NCAPG2: variants seen among roughly 807,000 people sequenced by gnomAD.
NCAPG2 encodes the protein condensin-2 complex subunit G2.
A neutral mutation model predicts 141.1 loss-of-function variants in NCAPG2; 53 were observed. The ratio of observed to expected loss-of-function variants is 0.38; its 90% CI spans 0.30 to 0.47. The LOEUF (loss-of-function observed/expected upper bound fraction) is 0.47, where lower values mean the gene tolerates loss of function less well. Ranked by LOEUF, NCAPG2 falls within the 20% of genes least tolerant of loss-of-function variation. The pLI is 0.99. For missense variants in NCAPG2, 1,087 were observed against 1,389.0 expected, an observed-to-expected ratio of 0.78 and a Z score of 3.46; for synonymous variants, 499 against 490.7, an observed-to-expected ratio of 1.02 and a Z score of -0.22.
At chr7:158,671,926 G>T (rs1250963289) in intron 12 of NCAPG2, among the ~76,000 whole-genome samples, 1 of 152,110 alleles carries the variant, frequency 6.6e-6, no homozygotes, top group East Asian at 1.9e-4. Flanking sequence ...AATTATAAAA[G>T]AAATCTTTAA....
intron 2 of NCAPG2, among the ~76,000 whole-genome samples, chr7:158,695,608 G>A (rs1268680419): frequency 1.3e-5 from 2 of 152,360 alleles, no homozygotes; most frequent in South Asian, 4.1e-4. Flanking sequence ...GAGCTGGCTG[G>A]AAGGGCAAGG....
intron 6 of NCAPG2, among the ~76,000 whole-genome samples, chr7:158,688,171 G>T (rs140491340): frequency 1.7e-5 from 1 of 59,034 alleles, no homozygotes; most frequent in South Asian, 8.6e-4. Flanking sequence ...CTCACAACAG[G>T]CAAGTTAAAA....
chr7:158,704,304 C>A (rs1358672893), intron 1 of NCAPG2, among the ~76,000 whole-genome samples: 1 of 148,054 alleles, frequency 6.8e-6, no homozygotes, highest in Non-Finnish European at 1.5e-5. Context: ...GAGGGTAGTG[C>A]CCATGCCCAG....
intron 7 of NCAPG2, 71 bp from the exon 8 acceptor site, chr7:158,686,312 C>G: frequency 1.1e-6 from 1 of 892,166 alleles, no homozygotes; most frequent in South Asian, 1.8e-5. Flanking sequence ...ATCATTTCAG[C>G]TACTCTCCAA....
chr7:158,645,645 A>C (rs1308149280), intron 25 of NCAPG2, 26 bp from the exon 26 acceptor site: 6 of 1,591,260 alleles, frequency 3.8e-6, no homozygotes, highest in Non-Finnish European at 5.2e-6. Flanking sequence ...CAAACATCAA[A>C]ATTACTGTAT....
Position 158,654,602 on chromosome 7 carries a change from C to T in NCAPG2, c.2739G>A (p.Met913Ile), listed in dbSNP as rs1831761515. The T allele has an allele frequency of 1.2e-6, 2 of 1,613,702 alleles. No homozygotes were observed. Among genetic ancestry groups the T allele is most frequent in the African/African-American group, 1.3e-5 (1 of 75,002 alleles). ...AAACAGCCCTGACTGTACCTGTTTG[C>T]ATGATTCCAAGACTCCGCTGTAAGA... ...MQLLQRSLGIMQTVKGFFYVS... is the reference protein window; with the variant it reads ...MQLLQRSLGIIQTVKGFFYVS... The change falls in exon 22 of 28, where the codon ATG (methionine) becomes ATA (isoleucine). Residue 913 changes from methionine (M) to isoleucine (I), a missense_variant. By Grantham distance (10) the Met-to-Ile change is conservative. Coordinates refer to ENST00000356309, the MANE Select transcript of NCAPG2 (RefSeq NM_017760.7).
intron 5 of NCAPG2, 132 bp from the exon 6 acceptor site, chr7:158,690,085 TAAAAACAGATTTTAA>T (rs2129468948): frequency 1.0e-6 from 1 of 979,686 alleles, no homozygotes; most frequent in South Asian, 2.9e-5. Flanking sequence ...TAACGACAAA[TAAAAACAGATTTTAA>T]AATTTGCAAA....
At chr7:158,673,584 G>A (rs1833878439) in intron 12 of NCAPG2, among the ~76,000 whole-genome samples, 1 of 152,228 alleles carries the variant, frequency 6.6e-6, no homozygotes, top group African/African-American at 2.4e-5. Context: ...ACACAGGTGT[G>A]CACCCCAGGA....
chr7:158,642,370 T>C (rs886861805), intron 27 of NCAPG2, among the ~76,000 whole-genome samples: 2 of 152,002 alleles, frequency 1.3e-5, no homozygotes, highest in African/African-American at 4.8e-5. Flanking sequence ...ACCCCATCTC[T>C]GCAAAAAAAT....
At chr7:158,667,492 CG>C (rs1833159133) in intron 13 of NCAPG2, among the ~76,000 whole-genome samples, 1 of 123,770 alleles carries the variant, frequency 8.1e-6, no homozygotes, top group African/African-American at 3.3e-5. Flanking sequence ...TCCCTCCGCC[CG>C]CCTTACCCAC....
At chr7:158,651,564 C>T (rs1831496911) in intron 23 of NCAPG2, among the ~76,000 whole-genome samples, 1 of 152,130 alleles carries the variant, frequency 6.6e-6, no homozygotes. Flanking sequence ...AAAATAATAG[C>T]TCATTGATAT....
At chr7:158,700,139 C>T (rs975691461) in intron 2 of NCAPG2, among the ~76,000 whole-genome samples, 2 of 152,182 alleles carry the variant, frequency 1.3e-5, no homozygotes, top group Admixed American at 6.5e-5. Context: ...CTTGATGAAA[C>T]CACGTGATGC....
chr7:158,644,969 A>C (rs1446397913), intron 26 of NCAPG2, among the ~76,000 whole-genome samples: 3 of 152,246 alleles, frequency 2.0e-5, no homozygotes, highest in African/African-American at 2.4e-5. Flanking sequence ...TGAGCAAATA[A>C]TACAGAAAGG....
intron 6 of NCAPG2, among the ~76,000 whole-genome samples, chr7:158,687,703 G>A (rs1425185288): frequency 1.3e-5 from 2 of 152,174 alleles, no homozygotes; most frequent in Admixed American, 1.3e-4. Context: ...TGCAGAGATG[G>A]AGACCACAGA....
At chr7:158,689,118 T>C (rs1002834797) in intron 6 of NCAPG2, among the ~76,000 whole-genome samples, 1 of 152,186 alleles carries the variant, frequency 6.6e-6, no homozygotes, top group Admixed American at 6.5e-5. Context: ...TCTCTGTAAT[T>C]CTCAATTCTT....
rs189430477 is a variant in NCAPG2, at chr7:158,702,761, A to G, written c.-39-823T>C. 1.1e-4 allele frequency among the ~76,000 whole-genome samples: 17 copies of G among 152,312 alleles called. No individual in the cohort carries two copies. The East Asian group carries it at 3.3e-3, about 29-fold the overall frequency. ...GGGGACAGAGAGTCATCTTAAACAT[A>G]TAATACTAGATTTTAATGTCCAAAT... is the stretch of plus-strand genomic sequence containing the variant. On this transcript the variant is annotated intron_variant, in intron 1 of 27. Coordinates refer to ENST00000356309, the MANE Select transcript of NCAPG2 (RefSeq NM_017760.7).
intron 11 of NCAPG2, among the ~76,000 whole-genome samples, chr7:158,677,525 C>CAAAAAAAAAAAAAAAAAAAAAAGAAA (rs1834144478): frequency 1.1e-5 from 1 of 90,404 alleles, no homozygotes. Context: ...AAAAATAAAG[C>CAAAAAAAAAAAAAAAAAAAAAAGAAA]AAAAAAAAAA....
chr7:158,693,775 G>A (rs1348795810), intron 2 of NCAPG2, among the ~76,000 whole-genome samples: 1 of 152,156 alleles, frequency 6.6e-6, no homozygotes, highest in Non-Finnish European at 1.5e-5. Flanking sequence ...CCTAGAATTA[G>A]ATTACAAAAG....
chr7:158,700,604 G>A (rs1182473617), intron 2 of NCAPG2, among the ~76,000 whole-genome samples: 1 of 152,134 alleles, frequency 6.6e-6, no homozygotes, highest in Non-Finnish European at 1.5e-5. Flanking sequence ...ACACTTCTAT[G>A]GTGATGAGAT....
Sources: gnomAD v4.1 joint callset for allele counts (sites outside exome capture counted in the v4.1 genomes callset) on GRCh38, gnomAD v4.1.1 for gene constraint, MANE v1.5 for transcripts, NCBI Gene and HGNC (gene_info 2026-07-23, HGNC 2026-07-21) for gene names.